FHIT: variants seen among roughly 807,000 people sequenced by gnomAD.
FHIT encodes the protein bis(5'-adenosyl)-triphosphatase.
Under a neutral mutation model 17.9 loss-of-function variants are expected in FHIT, and 19 were observed. The ratio of observed to expected loss-of-function variants is 1.06; its 90% confidence interval spans 0.74 to 1.56. FHIT has a LOEUF of 1.56. Ranked by LOEUF, FHIT falls within the 40% of genes most tolerant of loss-of-function variation. FHIT has a pLI of 0.00. For synonymous variants in FHIT, 81 were observed against 69.7 expected (o/e 1.16, Z -0.81); for missense variants, 248 against 189.2 (o/e 1.31, Z -1.82).
At chr3:61,160,875 TA>T (rs1301686643) in intron 2 of FHIT, among the ~76,000 whole-genome samples, 1 of 152,218 alleles carries the variant, frequency 6.6e-6, no homozygotes, top group Non-Finnish European at 1.5e-5. Flanking sequence ...GAAAGATTGG[TA>T]ATCACGCACT....
Position 59,922,382 on chromosome 3 carries a change from A to C in FHIT, c.312T>G (p.Ala104=), listed in dbSNP as rs964399920. Residue 104 remains alanine (A), a synonymous_variant, in exon 8 of 10, where the codon GCT becomes GCG. Coordinates refer to ENST00000492590, the MANE Select transcript of FHIT (RefSeq NM_002012.4). ...TGCTGTCATTCCTGTGAAAGTCTCC[A>C]GCCTTCCTGGGAAGAACATGGACGT... The part of the protein sequence containing the change: ...HVHVHVLPRK[A]GDFHRNDSIY... 1.2e-6 allele frequency: 2 copies of C among 1,613,936 alleles called. No homozygotes were observed. Among genetic ancestry groups the C allele is most frequent in the African/African-American group, 2.7e-5 (2 of 74,916 alleles).
At chr3:60,701,632 G>C (rs1188841197) in intron 4 of FHIT, among the ~76,000 whole-genome samples, 1 of 152,000 alleles carries the variant, frequency 6.6e-6, no homozygotes, top group Non-Finnish European at 1.5e-5. Context: ...TGGAGTGTAG[G>C]GTCTACAAAA....
chr3:60,206,195 C>T (rs1393231098), intron 5 of FHIT, among the ~76,000 whole-genome samples: 2 of 143,624 alleles, frequency 1.4e-5, no homozygotes, highest in South Asian at 2.2e-4. Context: ...AAAATGAGCC[C>T]AGGTAGATGA....
chr3:60,614,032 A>T (rs1000286174), intron 4 of FHIT, among the ~76,000 whole-genome samples: 1 of 152,130 alleles, frequency 6.6e-6, no homozygotes, highest in African/African-American at 2.4e-5. Context: ...GAAGTGATAC[A>T]GGTTGTGGGT....
intron 5 of FHIT, among the ~76,000 whole-genome samples, chr3:60,279,357 A>G (rs1707318527): frequency 6.6e-6 from 1 of 152,192 alleles, no homozygotes; most frequent in Admixed American, 6.5e-5. Context: ...GATAATCTGA[A>G]TAGGTCTATT....
chr3:61,126,306 A>G (rs1397280531), intron 2 of FHIT, among the ~76,000 whole-genome samples: 1 of 152,206 alleles, frequency 6.6e-6, no homozygotes, highest in African/African-American at 2.4e-5. Context: ...TTGAGAGAGA[A>G]AGACAATTGT....
At chr3:60,312,235 A>C (rs1708981590) in intron 5 of FHIT, among the ~76,000 whole-genome samples, 1 of 152,138 alleles carries the variant, frequency 6.6e-6, no homozygotes, top group South Asian at 2.1e-4. Flanking sequence ...ACCTGGGCTC[A>C]AGCAATCCTC....
intron 5 of FHIT, among the ~76,000 whole-genome samples, chr3:60,529,133 T>C (rs2035678766): frequency 6.6e-6 from 1 of 152,210 alleles, no homozygotes; most frequent in Non-Finnish European, 1.5e-5. Context: ...AATGTAGGAT[T>C]TGTGCCCAGA....
chr3:59,811,177 C>G (rs977466520), intron 8 of FHIT, among the ~76,000 whole-genome samples: 1 of 152,232 alleles, frequency 6.6e-6, no homozygotes, highest in African/African-American at 2.4e-5. Flanking sequence ...ATGTCACCCT[C>G]TCATAACACA....
chr3:61,020,787 C>T (rs561349538), intron 3 of FHIT, among the ~76,000 whole-genome samples: 5 of 151,932 alleles, frequency 3.3e-5, no homozygotes, highest in African/African-American at 1.2e-4. Flanking sequence ...TTCAGGAGAC[C>T]CATCTTATGT....
chr3:59,957,085 TTA>T (rs1406412262), intron 7 of FHIT, among the ~76,000 whole-genome samples: 1 of 152,200 alleles, frequency 6.6e-6, no homozygotes. Context: ...GAACTGAGCT[TTA>T]CAGGCTGAGT....
chr3:60,460,432 T>A (rs554175024), intron 5 of FHIT, among the ~76,000 whole-genome samples: 1 of 151,892 alleles, frequency 6.6e-6, no homozygotes, highest in Admixed American at 6.6e-5. Flanking sequence ...AAAAGAACCA[T>A]GAGGAAACAT....
intron 5 of FHIT, among the ~76,000 whole-genome samples, chr3:60,075,174 G>A (rs78727175): frequency 0.019 from 2,891 of 152,192 alleles, 35 homozygotes; most frequent in Middle Eastern, 0.024. Flanking sequence ...TTTTAAACTA[G>A]AGCTGCTGGG....
chr3:60,927,185 G>T (rs1707669523), intron 3 of FHIT, among the ~76,000 whole-genome samples: 2 of 152,150 alleles, frequency 1.3e-5, no homozygotes, highest in South Asian at 4.1e-4. Context: ...TTTTTTGGTG[G>T]AGACGGGGTT....
chr3:60,220,674 C>T lies in FHIT; in HGVS notation c.104-206522G>A, dbSNP rs529523924. ...AGCAGACACTGTGTTGATGGTTTGG[C>T]TAAAGGAGGACAAGAAAATAGGACC... On this transcript the variant is annotated intron_variant, in intron 5 of 9. Transcript: ENST00000492590. Among the ~76,000 whole-genome samples the T allele has an allele frequency of 2.4e-3, 372 of 152,128 alleles. 2 individuals are homozygous for T. Among genetic ancestry groups the T allele is most frequent in the Middle Eastern group, 6.8e-3 (2 of 294 alleles).
chr3:59,750,006 A>G (rs779320763), intron 9 of FHIT: 5 of 222,980 alleles, frequency 2.2e-5, no homozygotes, highest in Admixed American at 1.7e-4. Context: ...TTAAAGAGAA[A>G]TACACATGTT....
chr3:60,044,862 T>A (rs755195767), intron 5 of FHIT, among the ~76,000 whole-genome samples: 1 of 152,054 alleles, frequency 6.6e-6, no homozygotes, highest in South Asian at 2.1e-4. Context: ...AGTGTCCCCA[T>A]GCCAAGCCCT....
At chr3:61,098,304 CTATG>C (rs1237313236) in intron 2 of FHIT, among the ~76,000 whole-genome samples, 2 of 152,068 alleles carry the variant, frequency 1.3e-5, no homozygotes, top group Non-Finnish European at 1.5e-5. Context: ...TTCCATTGGG[CTATG>C]TGTTTGTCTT....
At chr3:61,144,047 G>C (rs566152628) in intron 2 of FHIT, among the ~76,000 whole-genome samples, 1 of 152,136 alleles carries the variant, frequency 6.6e-6, no homozygotes, top group East Asian at 1.9e-4. Context: ...GCTTTATTTA[G>C]ATACATTTAC....
Sources: allele counts gnomAD v4.1 joint callset (sites outside exome capture counted in the v4.1 genomes callset), GRCh38; gene constraint gnomAD v4.1.1; transcripts MANE v1.5; gene names NCBI Gene and HGNC (gene_info 2026-07-23, HGNC 2026-07-21).